The following DLGAP2 variants were observed in gnomAD, a reference collection of about 807,000 sequenced individuals.
DLGAP2 encodes disks large-associated protein 2.
Under a neutral mutation model 100.3 loss-of-function variants are expected in DLGAP2, and 26 were observed. The observed-to-expected ratio is 0.26, with a 90% CI of 0.19 to 0.36. The LOEUF is 0.36. Among genes scored for constraint, DLGAP2 ranks in the 10% least tolerant of loss-of-function variants. DLGAP2 has a pLI of 1.00. For missense variants in DLGAP2, 1,858 were observed against 1,453.2 expected (o/e 1.28, Z -4.53); for synonymous variants, 886 against 630.1 (o/e 1.41, Z -6.08).
chr8:743,449 A>T (rs536081409), intron 1 of DLGAP2, among the ~76,000 whole-genome samples: 1 of 152,334 alleles, frequency 6.6e-6, no homozygotes, highest in South Asian at 2.1e-4. Context: ...TATAACAGTT[A>T]AAAATACAGA....
In DLGAP2 at chr8:1,224,924, T is replaced by G. The variant is rs148111672; in HGVS notation, c.74-33927T>G. ...GCTAGGATGGCTGTTGGTGACAAAA[T>G]TAATCGGAAGCAAAGTGACAAGAGT... On this transcript the variant is annotated intron_variant, in intron 2 of 14. Transcript: ENST00000637795. Among the ~76,000 whole-genome samples, 176 of 152,234 alleles carry G rather than the reference T, an allele frequency of 1.2e-3. 8 individuals carry two copies. In the South Asian group the frequency reaches 0.022, roughly 19 times the overall value.
At chr8:999,939 GCA>G in intron 2 of DLGAP2, among the ~76,000 whole-genome samples, 3 of 150,436 alleles carry the variant, frequency 2.0e-5, no homozygotes, top group Non-Finnish European at 4.5e-5. Flanking sequence ...GTTTTCTTTT[GCA>G]CTGGATTTTC....
intron 3 of DLGAP2, among the ~76,000 whole-genome samples, chr8:1,480,954 C>T (rs1160299435): frequency 3.9e-5 from 6 of 151,964 alleles, no homozygotes; most frequent in South Asian, 2.1e-4. Flanking sequence ...GGGCAGATCA[C>T]GAGGTCAGGA....
chr8:1,047,609 G>A (rs1802551101), intron 2 of DLGAP2, among the ~76,000 whole-genome samples: 1 of 152,128 alleles, frequency 6.6e-6, no homozygotes, highest in Admixed American at 6.5e-5. Flanking sequence ...CCAAGATCAA[G>A]ACACTGGCAG....
intron 3 of DLGAP2, among the ~76,000 whole-genome samples, chr8:1,488,731 C>T (rs1179452703): frequency 6.6e-6 from 1 of 152,190 alleles, no homozygotes; most frequent in Non-Finnish European, 1.5e-5. Flanking sequence ...CTCCTCTGCA[C>T]GATGGGCATG....
intron 2 of DLGAP2, among the ~76,000 whole-genome samples, chr8:1,162,983 G>A (rs1796920738): frequency 1.3e-5 from 2 of 152,212 alleles, no homozygotes; most frequent in Non-Finnish European, 1.5e-5. Flanking sequence ...GGCACCTGAG[G>A]CCCTCAAGGA....
At chr8:1,448,366 G>A (rs1445421925) in intron 3 of DLGAP2, among the ~76,000 whole-genome samples, 4 of 152,202 alleles carry the variant, frequency 2.6e-5, no homozygotes, top group African/African-American at 4.8e-5. Flanking sequence ...TTCAGGAGCA[G>A]GTGGTTCAGT....
chr8:1,290,022 A>T (rs529784125), intron 3 of DLGAP2, among the ~76,000 whole-genome samples: 8 of 152,188 alleles, frequency 5.3e-5, no homozygotes, highest in Non-Finnish European at 1.0e-4. Context: ...ATGCACCAAG[A>T]AGAAAACTAA....
rs79984923 is a variant in DLGAP2, at chr8:1,683,267, G to A, written c.2704+4638G>A. On this transcript the variant is annotated intron_variant, in intron 12 of 14. Coordinates refer to ENST00000637795, the MANE Select transcript of DLGAP2 (RefSeq NM_001346810.2). ...GGCACTGTGCTGGGCCTTGACACGCGGTTGGATTTGGTCAAGGTGGTGGAT... is the reference window on the plus strand; with the variant it reads ...GGCACTGTGCTGGGCCTTGACACGCAGTTGGATTTGGTCAAGGTGGTGGAT... 1.1e-3 allele frequency among the ~76,000 whole-genome samples: 162 copies of A among 151,724 alleles called. 3 individuals carry two copies. Among genetic ancestry groups the A allele is most frequent in the East Asian group, 5.0e-3 (26 of 5,172 alleles).
At chr8:1,533,482 G>A (rs558230343) in intron 4 of DLGAP2, among the ~76,000 whole-genome samples, 2 of 152,036 alleles carry the variant, frequency 1.3e-5, no homozygotes, top group South Asian at 2.1e-4. Context: ...TTCCAGCCTG[G>A]GCGAAAGAGT....
At chr8:1,149,215 G>A (rs539484619) in intron 2 of DLGAP2, among the ~76,000 whole-genome samples, 46 of 152,008 alleles carry the variant, frequency 3.0e-4, no homozygotes, top group African/African-American at 1.1e-3. Flanking sequence ...GCGCAATGTC[G>A]GCTCACTGCA....
chr8:782,671 C>T (rs1821729630), intron 1 of DLGAP2, among the ~76,000 whole-genome samples: 1 of 152,180 alleles, frequency 6.6e-6, no homozygotes, highest in Non-Finnish European at 1.5e-5. Flanking sequence ...AGGGCCCCCA[C>T]CCCTGAACAC....
At chr8:1,217,549 T>C (rs1214266355) in intron 2 of DLGAP2, among the ~76,000 whole-genome samples, 1 of 152,132 alleles carries the variant, frequency 6.6e-6, no homozygotes, top group East Asian at 1.9e-4. Context: ...TTGGACTGTT[T>C]TCCCATTTGC....
intron 2 of DLGAP2, among the ~76,000 whole-genome samples, chr8:1,215,829 C>T (rs975188944): frequency 7.4e-6 from 1 of 135,900 alleles, no homozygotes; most frequent in Admixed American, 7.1e-5. Context: ...CACCTGGAGA[C>T]GTCCAGGTAC....
At chr8:1,678,170 C>G (rs1188113328) in intron 11 of DLGAP2, 44 bp from the exon 12 acceptor site, 3 of 1,560,090 alleles carry the variant, frequency 1.9e-6, no homozygotes, top group Admixed American at 3.6e-5. Flanking sequence ...GCATGAAGTC[C>G]TCTCAGAAGG....
At position 1,116,501 on chromosome 8, in the gene DLGAP2, A is replaced by G. The variant is rs549985845; in HGVS notation, c.74-142350A>G. ...TGACAATATTCACCTCACATTGAGA[A>G]TGGGGCAGATAATATATTTGAAAAT... On this transcript the variant is annotated intron_variant, in intron 2 of 14. Transcript: ENST00000637795. Among the ~76,000 whole-genome samples, 5 of 152,340 alleles carry G rather than the reference A, an allele frequency of 3.3e-5. No individual in the cohort carries two copies. The South Asian group carries it at 1.0e-3, about 32-fold the overall frequency.
intron 4 of DLGAP2, among the ~76,000 whole-genome samples, chr8:1,512,899 C>A (rs1301536628): frequency 1.3e-5 from 2 of 152,262 alleles, no homozygotes; most frequent in African/African-American, 4.8e-5. Context: ...GGTCGCACCG[C>A]CACCCTGTGC....
chr8:1,022,082 C>G (rs1282438802), intron 2 of DLGAP2, among the ~76,000 whole-genome samples: 3 of 152,174 alleles, frequency 2.0e-5, no homozygotes, highest in African/African-American at 7.2e-5. Flanking sequence ...CACCAGCGAA[C>G]AGGTGCAGAG....
rs151050707 is a variant in DLGAP2, at chr8:939,880, G to A, written c.73+31914G>A. 2.0e-4 allele frequency among the ~76,000 whole-genome samples: 30 copies of A among 151,974 alleles called. 1 individual carries two copies. The highest frequency in any genetic ancestry group is 6.8e-4 in the African/African-American group (28 of 41,408). On this transcript the variant is annotated intron_variant, in intron 2 of 14. Coordinates refer to ENST00000637795, the MANE Select transcript of DLGAP2 (RefSeq NM_001346810.2). ...GGGAGGTGCAGACACAGGGGCTGGG[G>A]TGCCCACTCGGAGGCCCCAGGCTGC...
Sources: gnomAD v4.1 joint callset for allele counts (sites outside exome capture counted in the v4.1 genomes callset) on GRCh38, gnomAD v4.1.1 for gene constraint, MANE v1.5 for transcripts, NCBI Gene and HGNC (gene_info 2026-07-23, HGNC 2026-07-21) for gene names.